ANKRD28: variants seen among roughly 807,000 people sequenced by gnomAD.
The protein encoded by ANKRD28 is serine/threonine-protein phosphatase 6 regulatory ankyrin repeat subunit A.
In ANKRD28, 44 loss-of-function variants were observed where a neutral mutation model predicts 126.5. The observed-to-expected ratio is 0.35, with a 90% CI of 0.27 to 0.45. The LOEUF is 0.45. Ranked by LOEUF, ANKRD28 falls within the 20% of genes least tolerant of loss-of-function variation. The pLI is 1.00. For missense variants in ANKRD28, 1,110 were observed against 1,316.6 expected (o/e 0.84, Z 2.43); for synonymous variants, 442 against 468.5 (o/e 0.94, Z 0.73).
At position 15,817,975 on chromosome 3, in the gene ANKRD28, A is replaced by C. The variant is rs192650077; in HGVS notation, c.28-22669T>G. 6.6e-6 allele frequency among the ~76,000 whole-genome samples: 1 copy of C among 152,354 alleles called. No homozygotes were observed. Among genetic ancestry groups the C allele is most frequent in the East Asian group, 1.9e-4 (1 of 5,194 alleles). On this transcript the variant is annotated intron_variant, in intron 1 of 27. Coordinates refer to the ANKRD28 transcript ENST00000399451. The surrounding 1 kb of genome is among the most constrained non-coding windows in gnomAD (Gnocchi z 4.5). ...TACATACTACCAATGAACAACTGGAAATCAAAACAAAAAGCAGTACCATTT... is the reference window on the plus strand; with the variant it reads ...TACATACTACCAATGAACAACTGGACATCAAAACAAAAAGCAGTACCATTT...
intron 3 of ANKRD28, among the ~76,000 whole-genome samples, chr3:15,764,214 G>C (rs924299774): frequency 3.9e-5 from 6 of 152,120 alleles, no homozygotes; most frequent in African/African-American, 1.2e-4. Flanking sequence ...GCGAGATTCT[G>C]TCTCAAAGAA....
intron 3 of ANKRD28, among the ~76,000 whole-genome samples, chr3:15,763,253 C>G (rs925076789): frequency 2.0e-5 from 3 of 152,242 alleles, no homozygotes; most frequent in Non-Finnish European, 4.4e-5. Context: ...CTTTCCCTTT[C>G]CACTTACCTG....
In ANKRD28 at chr3:15,796,657, T is replaced by TTA. The variant is rs2060291052; in HGVS notation, c.-137_-136insTA. The TTA allele has an allele frequency of 1.9e-5, 18 of 972,594 alleles. No homozygotes were observed. The highest frequency in any genetic ancestry group is 2.2e-5 in the Non-Finnish European group (18 of 812,306). The allele number at this position is 972,594 out of a possible 1,614,324, so 60.2% of individuals were successfully genotyped here. On this transcript the variant is annotated 5_prime_UTR_variant, in exon 1 of 28. Transcript: ENST00000683139. ...AGCACAGCTGGGTTTTTTTTTTTTT[T>TTA]AAAGTTAATAAGTACTACTGGAAAA...
At chr3:15,822,155 C>G (rs1030523300) in intron 1 of ANKRD28, among the ~76,000 whole-genome samples, 3 of 152,234 alleles carry the variant, frequency 2.0e-5, no homozygotes. Flanking sequence ...AAACTTTCAC[C>G]TCTGGCTGAC....
chr3:15,800,134 A>G (rs1054911268), upstream of ANKRD28, among the ~76,000 whole-genome samples: 3 of 152,054 alleles, frequency 2.0e-5, no homozygotes, highest in Admixed American at 2.0e-4. Context: ...TGCTTCCATC[A>G]TTTCCTAGCT....
intron 1 of ANKRD28, among the ~76,000 whole-genome samples, chr3:15,823,359 C>A (rs561719982): frequency 2.0e-4 from 31 of 152,264 alleles, no homozygotes; most frequent in Admixed American, 4.6e-4. Flanking sequence ...CCATCTGTGG[C>A]CTGGCAGTCG....
At chr3:15,675,755 T>C in intron 27 of ANKRD28, 143 bp downstream of exon 27, 1 of 617,874 alleles carries the variant, frequency 1.6e-6, no homozygotes, top group Non-Finnish European at 2.6e-6. Flanking sequence ...TTTGCCCTTA[T>C]TCCTTTGCCA....
chr3:15,755,466 T>C (rs1424032364), intron 3 of ANKRD28, among the ~76,000 whole-genome samples: 3 of 152,222 alleles, frequency 2.0e-5, no homozygotes, highest in Non-Finnish European at 2.9e-5. Context: ...TAAAGCTAAA[T>C]AGAGTTCTGT....
chr3:15,690,151 T>G lies in ANKRD28; in HGVS notation c.1831A>C (p.Ser611Arg). ...AGATCTAGGGGTGTTCTTCCACTAC[T>G]ATTTCTGACATCAAGATCTAACAAA... The part of the protein sequence containing the change: ...QSLLDLDVRN[S>R]SGRTPLDLAA... The change falls in exon 18 of 28, where the codon AGT becomes CGT. Residue 611 changes from serine to arginine, a missense_variant. Physicochemically the swap from Ser to Arg is moderately radical, Grantham distance 110. Transcript: ENST00000683139. 6.2e-7 allele frequency: 1 copy of G among 1,609,910 alleles called. No homozygotes were observed. Among genetic ancestry groups the G allele is most frequent in the Non-Finnish European group, 8.5e-7 (1 of 1,177,900 alleles).
intron 8 of ANKRD28, among the ~76,000 whole-genome samples, chr3:15,720,535 G>A (rs2073605628): frequency 6.6e-6 from 1 of 152,092 alleles, no homozygotes; most frequent in African/African-American, 2.4e-5. Context: ...GCATACAAAT[G>A]AACCACCTTA....
intron 1 of ANKRD28, among the ~76,000 whole-genome samples, chr3:15,852,776 T>C (rs1057182056): frequency 7.5e-6 from 1 of 134,168 alleles, no homozygotes; most frequent in South Asian, 2.2e-4. Flanking sequence ...GAGCTTGCAG[T>C]GAGCTGAGAT....
intron 17 of ANKRD28, among the ~76,000 whole-genome samples, chr3:15,693,748 G>A (rs757974474): frequency 3.9e-5 from 6 of 152,070 alleles, no homozygotes; most frequent in Non-Finnish European, 8.8e-5. Flanking sequence ...TGTTTCCAAG[G>A]ACTCAAAGGG....
intron 3 of ANKRD28, among the ~76,000 whole-genome samples, chr3:15,760,047 C>T (rs540778651): frequency 4.7e-4 from 71 of 151,046 alleles, no homozygotes; most frequent in Non-Finnish European, 8.4e-4. Flanking sequence ...AGCCAATCAC[C>T]AGCAGATTAC....
intron 4 of ANKRD28, among the ~76,000 whole-genome samples, chr3:15,743,582 A>G (rs980970890): frequency 4.0e-5 from 6 of 150,694 alleles, no homozygotes; most frequent in East Asian, 1.9e-4. Flanking sequence ...ACACACACAC[A>G]CACACACACA....
At chr3:15,732,627 T>C (rs538232221) in intron 6 of ANKRD28, 1 of 152,360 alleles carries the variant, frequency 6.6e-6, no homozygotes, top group Admixed American at 6.5e-5. Context: ...CCTCATACTA[T>C]GCCACAGTTA....
chr3:15,701,947 A>G lies in ANKRD28; in HGVS notation c.1548-5702T>C, dbSNP rs568001207. On this transcript the variant is annotated intron_variant, in intron 14 of 27. Coordinates refer to ENST00000683139, the MANE Select transcript of ANKRD28 (RefSeq NM_001349278.2). ...ATTTTACCCAAGGGCATTTAAAAAAAATCTTTAATCAAGTTCTCTAGATGT... is the reference window on the plus strand; with the variant it reads ...ATTTTACCCAAGGGCATTTAAAAAAGATCTTTAATCAAGTTCTCTAGATGT... 1.6e-4 allele frequency among the ~76,000 whole-genome samples: 25 copies of G among 151,956 alleles called. 1 individual carries two copies. In the East Asian group the frequency reaches 4.8e-3, roughly 29 times the overall value.
chr3:15,685,436 C>G lies in ANKRD28; in HGVS notation c.2179G>C (p.Gly727Arg), dbSNP rs1204759500. The G allele has an allele frequency of 6.2e-7, 1 of 1,613,930 alleles. No individual in the cohort carries two copies. The highest frequency in any genetic ancestry group is 8.5e-7 in the Non-Finnish European group (1 of 1,179,802). ...RTALHRGAVTGHEECVDALLQ... is the reference protein window; with the variant it reads ...RTALHRGAVTRHEECVDALLQ... ...AATGCATCTACACATTCTTCATGGCCTGTAACTGCCTGAAAGAAAATAATT... is the reference window on the plus strand; with the variant it reads ...AATGCATCTACACATTCTTCATGGCGTGTAACTGCCTGAAAGAAAATAATT... The change falls in exon 21 of 28, where the codon GGC (glycine) becomes CGC (arginine). Residue 727 changes from glycine (G) to arginine (R), a missense_variant. Physicochemically the swap from Gly to Arg is moderately radical, Grantham distance 125. Transcript: ENST00000683139.
At chr3:15,734,371 G>A (rs1003619489) in intron 6 of ANKRD28, among the ~76,000 whole-genome samples, 1 of 152,206 alleles carries the variant, frequency 6.6e-6, no homozygotes, top group African/African-American at 2.4e-5. Context: ...TAGAAAAGTG[G>A]TTAACTAGAT....
At chr3:15,767,550 T>C (rs1333986379) in intron 2 of ANKRD28, among the ~76,000 whole-genome samples, 1 of 151,456 alleles carries the variant, frequency 6.6e-6, no homozygotes, top group African/African-American at 2.4e-5. Context: ...AACTTCCAGG[T>C]CATCTTCAAC....
Sources: gnomAD v4.1 joint callset for allele counts (sites outside exome capture counted in the v4.1 genomes callset) on GRCh38, gnomAD v4.1.1 for gene constraint, Gnocchi (gnomAD v3.1) non-coding constraint, MANE v1.5 for transcripts, NCBI Gene and HGNC (gene_info 2026-07-23, HGNC 2026-07-21) for gene names.